Variants in PALM2AKAP2 observed in about 807,000 individuals in gnomAD.
The protein encoded by PALM2AKAP2 is PALM2-AKAP2 fusion protein.
A neutral mutation model predicts 71.5 loss-of-function variants in PALM2AKAP2; 37 were observed. That is an observed-to-expected ratio of 0.52 (90% CI 0.40 to 0.68). PALM2AKAP2 has a LOEUF of 0.68. PALM2AKAP2 is among the 30% of genes least tolerant of loss of function. The pLI is 0.00. For synonymous variants in PALM2AKAP2, 468 were observed against 478.8 expected (o/e 0.98, Z 0.29); for missense variants, 1,224 against 1,191.8 (o/e 1.03, Z -0.40).
Position 110,143,428 on chromosome 9 carries a change from A to AG in PALM2AKAP2, c.2569+4889_2569+4890insG, listed in dbSNP as rs1182035236. On this transcript the variant is annotated intron_variant, in intron 2 of 3. Coordinates refer to ENST00000374525, the Ensembl canonical transcript of PALM2AKAP2. ...CAAAGTGCCAAAAAAAAAAAAAAAAAAAAAGGAGAGAGAGAGAATAAAGGA... is the reference window on the plus strand; with the variant it reads ...CAAAGTGCCAAAAAAAAAAAAAAAAAGAAAAGGAGAGAGAGAGAATAAAGGA... Among the ~76,000 whole-genome samples, 7 of 151,492 alleles carry AG rather than the reference A, an allele frequency of 4.6e-5. No individual in the cohort carries two copies. In the South Asian group the frequency reaches 6.3e-4, roughly 14 times the overall value.
At chr9:109,854,359 A>G (rs546799716) in intron 1 of PALM2AKAP2, among the ~76,000 whole-genome samples, 1 of 152,368 alleles carries the variant, frequency 6.6e-6, no homozygotes, top group South Asian at 2.1e-4. Flanking sequence ...AAAATATGCA[A>G]GGGTTCCTAT....
intron 7 of PALM2AKAP2, among the ~76,000 whole-genome samples, chr9:110,017,808 A>G (rs1467621806): frequency 5.3e-5 from 8 of 151,720 alleles, no homozygotes; most frequent in Admixed American, 3.9e-4. Context: ...GCTCACTGCA[A>G]CATCCGCCTC....
chr9:109,689,688 T>A (rs1453279368), intron 1 of PALM2AKAP2, among the ~76,000 whole-genome samples: 1 of 152,226 alleles, frequency 6.6e-6, no homozygotes, highest in Non-Finnish European at 1.5e-5. Context: ...AAGGCTAAGA[T>A]GAGCTCAGTG....
intron 1 of PALM2AKAP2, among the ~76,000 whole-genome samples, chr9:109,738,610 T>C (rs574858373): frequency 7.1e-4 from 108 of 152,314 alleles, no homozygotes; most frequent in African/African-American, 2.5e-3. Context: ...ATCTGAATCA[T>C]TTATCATTAC....
At chr9:109,937,230 C>G (rs1462184591) in intron 6 of PALM2AKAP2, among the ~76,000 whole-genome samples, 2 of 152,158 alleles carry the variant, frequency 1.3e-5, no homozygotes, top group East Asian at 1.9e-4. Flanking sequence ...CTTCTCTGCT[C>G]AAAACTACCA....
At chr9:110,061,829 A>G (rs929051106) in intron 1 of PALM2AKAP2, among the ~76,000 whole-genome samples, 1 of 149,480 alleles carries the variant, frequency 6.7e-6, no homozygotes, top group African/African-American at 2.6e-5. Flanking sequence ...ATAAGCCAAC[A>G]TGCCAGACAA....
upstream of PALM2AKAP2, among the ~76,000 whole-genome samples, chr9:110,045,605 T>C (rs1833582321): frequency 6.6e-6 from 1 of 152,118 alleles, no homozygotes; most frequent in South Asian, 2.1e-4. Context: ...TCTCTCTCTG[T>C]CGCCCAGGCT....
intron 1 of PALM2AKAP2, among the ~76,000 whole-genome samples, chr9:110,079,356 C>T (rs568451421): frequency 6.6e-5 from 10 of 152,110 alleles, no homozygotes; most frequent in African/African-American, 2.4e-4. Flanking sequence ...ATTAGCCAAG[C>T]ATGGCGGTGC....
chr9:109,861,937 A>G (rs141406196), intron 1 of PALM2AKAP2, among the ~76,000 whole-genome samples: 1 of 152,326 alleles, frequency 6.6e-6, no homozygotes, highest in East Asian at 1.9e-4. Context: ...TGGAAGAGAG[A>G]AAAAAGAGGA....
At chr9:109,872,494 A>G (rs1564189998) in intron 2 of PALM2AKAP2, among the ~76,000 whole-genome samples, 2 of 152,218 alleles carry the variant, frequency 1.3e-5, no homozygotes, top group East Asian at 3.8e-4. Flanking sequence ...GCCCTGTCAG[A>G]ATCAAATTGC....
chr9:109,961,774 CAG>C (rs1212696761), intron 6 of PALM2AKAP2, among the ~76,000 whole-genome samples: 1 of 152,246 alleles, frequency 6.6e-6, no homozygotes, highest in Non-Finnish European at 1.5e-5. Flanking sequence ...TCTGAAGGAT[CAG>C]AGTGTTGTAG....
At chr9:109,973,123 ACTT>A (rs1178864760) in intron 6 of PALM2AKAP2, among the ~76,000 whole-genome samples, 2 of 152,280 alleles carry the variant, frequency 1.3e-5, no homozygotes, top group African/African-American at 4.8e-5. Context: ...AAAAAAATCT[ACTT>A]CTTTTTTATG....
At chr9:109,649,226 G>T (rs1827192949) in intron 1 of PALM2AKAP2, among the ~76,000 whole-genome samples, 1 of 151,498 alleles carries the variant, frequency 6.6e-6, no homozygotes, top group African/African-American at 2.4e-5. Flanking sequence ...TTTTTGTAAA[G>T]ATATTTTCCC....
chr9:109,870,061 C>G (rs1245261336), intron 2 of PALM2AKAP2, among the ~76,000 whole-genome samples: 1 of 152,112 alleles, frequency 6.6e-6, no homozygotes, highest in Non-Finnish European at 1.5e-5. Context: ...CAGAGAGACC[C>G]CCAGCTTTGG....
At chr9:109,690,020 T>C (rs1347531043) in intron 1 of PALM2AKAP2, among the ~76,000 whole-genome samples, 1 of 152,066 alleles carries the variant, frequency 6.6e-6, no homozygotes, top group East Asian at 1.9e-4. Flanking sequence ...TTTTTTTTTT[T>C]TCCTCTTAAA....
At position 109,964,374 on chromosome 9, in the gene PALM2AKAP2, C is replaced by CAGGCAG. The variant is rs57432670; in HGVS notation, c.496+32359_496+32364dup. On this transcript the variant is annotated intron_variant, in intron 6 of 9. Coordinates refer to the PALM2AKAP2 transcript ENST00000302798. The stretch of plus-strand genomic sequence containing the variant: ...GCAGATTGTGCCAAATGGGCTACTG[C>CAGGCAG]AGGCAGAGGCAGAGGCAGGAAGGCC... Among the ~76,000 whole-genome samples, 8 of 152,092 alleles carry CAGGCAG rather than the reference C, an allele frequency of 5.3e-5. No homozygotes were observed. The East Asian group carries it at 5.8e-4, about 11-fold the overall frequency.
At chr9:110,148,721 G>A (rs138387666) in intron 2 of PALM2AKAP2, 251 of 152,300 alleles carry the variant, frequency 1.6e-3, no homozygotes, top group African/African-American at 5.8e-3. Flanking sequence ...ATTTTGTTCG[G>A]TTCAGTTTGG....
intron 6 of PALM2AKAP2, among the ~76,000 whole-genome samples, chr9:109,991,980 A>T (rs1832493205): frequency 6.6e-6 from 1 of 152,206 alleles, no homozygotes; most frequent in Admixed American, 6.5e-5. Context: ...TAAAAATGGA[A>T]TGGGCTGTGT....
intron 1 of PALM2AKAP2, among the ~76,000 whole-genome samples, chr9:109,703,601 A>G (rs970711276): frequency 1.3e-5 from 2 of 152,172 alleles, no homozygotes; most frequent in Non-Finnish European, 2.9e-5. Context: ...TCATCTTGTC[A>G]ACTTTAATGA....
Sources: allele counts gnomAD v4.1 joint callset (sites outside exome capture counted in the v4.1 genomes callset), GRCh38; gene constraint gnomAD v4.1.1; transcripts MANE v1.5; gene names NCBI Gene and HGNC (gene_info 2026-07-23, HGNC 2026-07-21).